Variants in FCRLB observed in about 807,000 individuals in gnomAD.
FCRLB encodes Fc receptor like B.
A neutral mutation model predicts 33.6 loss-of-function variants in FCRLB; 34 were observed. That is an observed-to-expected ratio of 1.01 (90% CI 0.77 to 1.35). FCRLB has a LOEUF of 1.35. Among genes scored for constraint, FCRLB ranks in the 40% most tolerant of loss-of-function variants. The pLI, the probability that FCRLB is intolerant of heterozygous loss-of-function variation, is 0.00. For missense variants in FCRLB, 560 were observed against 580.2 expected, an observed-to-expected ratio of 0.97 and a Z score of 0.36; for synonymous variants, 280 against 255.9, an observed-to-expected ratio of 1.09 and a Z score of -0.90.
exon 8 of FCRLB, chr1:161,727,685 G>GCTCTCCA: frequency 1.3e-6 from 2 of 1,562,176 alleles, no homozygotes; most frequent in Non-Finnish European, 1.7e-6. Flanking sequence ...CGTCCCCTCT[G>GCTCTCCA]CAGGCTCATT....
chr1:161,723,658 G>A (rs1683449269), intron 5 of FCRLB, 37 bp downstream of exon 5: 1 of 1,596,236 alleles, frequency 6.3e-7, no homozygotes. Context: ...GGGAGCACGT[G>A]TCTCCTCTGG....
At chr1:161,724,469 T>C (rs973733704) in intron 5 of FCRLB, among the ~76,000 whole-genome samples, 1 of 147,000 alleles carries the variant, frequency 6.8e-6, no homozygotes, top group Non-Finnish European at 1.5e-5. Flanking sequence ...TGATAGCGGG[T>C]GCCTGTAGTC....
exon 6 of FCRLB, chr1:161,725,985 G>C (rs546900428): frequency 6.2e-7 from 1 of 1,614,194 alleles, no homozygotes; most frequent in South Asian, 1.1e-5. Context: ...TGTGTTACAG[G>C]CGCGTGCCAG....
intron 7 of FCRLB, 111 bp downstream of exon 7, chr1:161,727,104 T>G: frequency 1.4e-6 from 1 of 715,090 alleles, no homozygotes; most frequent in Non-Finnish European, 1.7e-6. Context: ...GCCCCCCGCC[T>G]TTCCCATCTC....
In FCRLB at chr1:161,726,081, G is replaced by A. The variant is rs749039064; in HGVS notation, c.568G>A (p.Val190Met). The A allele has an allele frequency of 7.5e-6, 12 of 1,607,874 alleles. No homozygotes were observed. In the African/African-American group the frequency reaches 1.1e-4, roughly 14 times the overall value. Residue 190 changes from valine (V) to methionine (M), a missense_variant, in exon 6 of 8, where the codon GTG becomes ATG. Coordinates refer to ENST00000367948, the Ensembl canonical transcript of FCRLB. The surrounding 1 kb of genome is among the most constrained non-coding windows in gnomAD (Gnocchi z 5.2). ...GTTCTCCGCTAAGGTGGCTGTGACA[G>A]TGCAAGGTGGGAGAGACCAGGGGCC...
exon 5 of FCRLB, chr1:161,723,591 A>G (rs553032070): frequency 1.2e-6 from 2 of 1,614,184 alleles, no homozygotes; most frequent in Admixed American, 1.7e-5. Flanking sequence ...AGCACCCGTC[A>G]GTGACCCCAT....
At chr1:161,724,142 C>T (rs912026130) in intron 5 of FCRLB, among the ~76,000 whole-genome samples, 4 of 151,912 alleles carry the variant, frequency 2.6e-5, no homozygotes, top group Non-Finnish European at 5.9e-5. Context: ...TTATGATTTG[C>T]TAAAGAAAAA....
intron 3 of FCRLB, 64 bp downstream of exon 3, chr1:161,722,767 G>C: frequency 6.3e-7 from 1 of 1,591,326 alleles, no homozygotes; most frequent in Middle Eastern, 1.7e-4. Context: ...ACCAAGGTAT[G>C]GGGAGAGGAG....
rs1195893519 is a variant in FCRLB, at chr1:161,725,918, T to TCA, written c.407_408dup (p.Tyr137ThrfsTer53). ...GGTACGACAAGGTGGTCTACAAGCTTCACTACTACCACGACGGCCAGGCCG... is the reference window on the plus strand; with the variant it reads ...GGTACGACAAGGTGGTCTACAAGCTTCACACTACTACCACGACGGCCAGGCCG... On this transcript the variant is annotated frameshift_variant, in exon 6 of 8. Coordinates refer to ENST00000367948, the Ensembl canonical transcript of FCRLB. LOFTEE classifies it high-confidence loss of function. 2.2e-5 allele frequency: 35 copies of TCA among 1,614,112 alleles called. No homozygotes were observed. The highest frequency in any genetic ancestry group is 3.0e-5 in the Non-Finnish European group (35 of 1,180,056).
intron 3 of FCRLB, 114 bp downstream of exon 3, chr1:161,722,817 CT>C: frequency 4.6e-6 from 7 of 1,516,730 alleles, no homozygotes; most frequent in African/African-American, 1.4e-5. Context: ...GGTTCATTAT[CT>C]TTTTTTGGAG....
At chr1:161,727,736 A>G in exon 8 of FCRLB, 2 of 1,471,350 alleles carry the variant, frequency 1.4e-6, no homozygotes, top group Non-Finnish European at 1.8e-6. Flanking sequence ...AATTTCTTTC[A>G]AAGCCATCTG....
intron 7 of FCRLB, 42 bp downstream of exon 7, chr1:161,727,035 C>T: frequency 6.9e-7 from 1 of 1,457,390 alleles, no homozygotes. Flanking sequence ...CCCTGGCGGT[C>T]AGCCCTGCTT....
chr1:161,726,224 T>G lies in FCRLB; in HGVS notation c.574+137T>G. 1.4e-6 allele frequency: 2 copies of G among 1,404,898 alleles called. No homozygotes were observed. The highest frequency in any genetic ancestry group is 1.7e-4 in the Middle Eastern group (1 of 5,724). 87.0% of individuals were successfully genotyped at this position (1,404,898 alleles called of 1,614,324 possible). A position where few individuals can be genotyped will look rare whatever the true frequency, so the allele number is the denominator to read the frequency against. On this transcript the variant is annotated intron_variant, in intron 6 of 7. Transcript: ENST00000367948. This position sits in a 1 kb window ranked among gnomAD's most constrained non-coding sequence, Gnocchi z 5.2. ...GGTTTCTCTTAGACTATGGACGCTGTCTCCTCTCCTTTGCCGTGAAGCAGC... is the reference window on the plus strand; with the variant it reads ...GGTTTCTCTTAGACTATGGACGCTGGCTCCTCTCCTTTGCCGTGAAGCAGC...
intron 5 of FCRLB, among the ~76,000 whole-genome samples, chr1:161,724,625 A>G (rs1010701097): frequency 8.6e-5 from 13 of 152,020 alleles, no homozygotes; most frequent in Non-Finnish European, 1.9e-4. Flanking sequence ...ACTTACACAC[A>G]CTTCATATTC....
At chr1:161,727,634 C>T (rs1446033494) in exon 8 of FCRLB, 2 of 1,613,368 alleles carry the variant, frequency 1.2e-6, no homozygotes, top group Non-Finnish European at 1.7e-6. Flanking sequence ...AGCCCGGGAA[C>T]CCCAGAGACC....
At chr1:161,723,082 A>C in intron 4 of FCRLB, 73 bp downstream of exon 4, 1 of 1,560,654 alleles carries the variant, frequency 6.4e-7, no homozygotes, top group Non-Finnish European at 8.8e-7. Flanking sequence ...CTTTTCAAGT[A>C]GACTCCTCAC....
chr1:161,727,858 C>G, exon 8 of FCRLB: 2 of 624,372 alleles, frequency 3.2e-6, no homozygotes, highest in Non-Finnish European at 5.4e-6. Context: ...TCTTTGAATT[C>G]TCACAGAATT....
chr1:161,726,709 T>G lies in FCRLB; in HGVS notation c.581T>G (p.Phe194Cys). ...CTCCCCGCCCTCTCCGTAGAGCTGTTCCGGGCGCCGGTGCTGAGGGTGATG... is the reference window on the plus strand; with the variant it reads ...CTCCCCGCCCTCTCCGTAGAGCTGTGCCGGGCGCCGGTGCTGAGGGTGATG... The change falls in exon 7 of 8, where the codon TTC becomes TGC. Residue 194 changes from phenylalanine to cysteine, a missense_variant. Coordinates refer to ENST00000367948, the Ensembl canonical transcript of FCRLB. The surrounding 1 kb of genome is among the most constrained non-coding windows in gnomAD (Gnocchi z 5.2). The G allele has an allele frequency of 1.3e-6, 2 of 1,592,758 alleles. No individual in the cohort carries two copies. Among genetic ancestry groups the G allele is most frequent in the Non-Finnish European group, 1.7e-6 (2 of 1,174,846 alleles).
intron 5 of FCRLB, 79 bp from the exon 6 acceptor site, chr1:161,725,742 G>T (rs1683518904): frequency 6.6e-7 from 1 of 1,506,138 alleles, no homozygotes; most frequent in Non-Finnish European, 8.9e-7. Flanking sequence ...AGAGGAGAAA[G>T]CTGGAAGGCT....
Sources: allele counts gnomAD v4.1 joint callset (sites outside exome capture counted in the v4.1 genomes callset), GRCh38; gene constraint gnomAD v4.1.1; non-coding constraint Gnocchi (gnomAD v3.1); transcripts MANE v1.5; gene names NCBI Gene and HGNC (gene_info 2026-07-23, HGNC 2026-07-21).